The following NOS1AP variants were observed in gnomAD, a reference collection of about 807,000 sequenced individuals.
The protein encoded by NOS1AP is carboxyl-terminal PDZ ligand of neuronal nitric oxide synthase protein.
In NOS1AP, 21 loss-of-function variants were observed where a neutral mutation model predicts 56.2. The ratio of observed to expected loss-of-function variants is 0.37; its 90% CI spans 0.26 to 0.54. The LOEUF is 0.54. NOS1AP is among the 20% of genes least tolerant of loss of function. NOS1AP has a pLI of 0.84. For missense variants in NOS1AP, 522 were observed against 657.8 expected, an observed-to-expected ratio of 0.79 and a Z score of 2.26; for synonymous variants, 270 against 274.6, an observed-to-expected ratio of 0.98 and a Z score of 0.17.
chr1:162,211,148 A>C (rs6664632), intron 2 of NOS1AP, among the ~76,000 whole-genome samples: 125,828 of 152,228 alleles, frequency 0.83, 52,355 homozygotes, highest in East Asian at 0.88. Context: ...GAGAGCCAGC[A>C]GGCTTCTTGG....
intron 2 of NOS1AP, among the ~76,000 whole-genome samples, chr1:162,176,214 T>A: frequency 6.6e-6 from 1 of 152,210 alleles, no homozygotes; most frequent in East Asian, 1.9e-4. Context: ...TCTTGTGCTA[T>A]AAAGTTCTGT....
intron 2 of NOS1AP, among the ~76,000 whole-genome samples, chr1:162,161,814 T>A (rs1227336787): frequency 6.6e-6 from 1 of 152,220 alleles, no homozygotes; most frequent in African/African-American, 2.4e-5. Flanking sequence ...TTCTAATTAC[T>A]GTGCACTGGA....
chr1:162,313,194 A>C, intron 4 of NOS1AP, among the ~76,000 whole-genome samples: 1 of 152,232 alleles, frequency 6.6e-6, no homozygotes, highest in Admixed American at 6.5e-5. Context: ...GCCCTCAAGG[A>C]TCTCACTGTG....
intron 2 of NOS1AP, among the ~76,000 whole-genome samples, chr1:162,154,749 T>A (rs907069072): frequency 2.0e-5 from 3 of 152,164 alleles, no homozygotes; most frequent in Non-Finnish European, 4.4e-5. Context: ...ACCTTGATGA[T>A]GTGTGGTGAC....
intron 1 of NOS1AP, among the ~76,000 whole-genome samples, chr1:162,105,519 A>T (rs1220659245): frequency 1.3e-5 from 2 of 152,226 alleles, no homozygotes; most frequent in African/African-American, 4.8e-5. Flanking sequence ...TAAGTCTACC[A>T]AACTGCAGAG....
intron 5 of NOS1AP, among the ~76,000 whole-genome samples, chr1:162,341,026 G>C (rs1190878218): frequency 6.6e-6 from 1 of 152,096 alleles, no homozygotes; most frequent in Non-Finnish European, 1.5e-5. Context: ...ATCTTGTGAT[G>C]CCTGAGAAAT....
At position 162,272,491 on chromosome 1, in the gene NOS1AP, G is replaced by A. The variant is rs561457140; in HGVS notation, c.178-14853G>A. Among the ~76,000 whole-genome samples, 25 of 152,306 alleles carry A rather than the reference G, an allele frequency of 1.6e-4. 1 individual carries two copies. In the South Asian group the frequency reaches 5.0e-3, roughly 30 times the overall value. On this transcript the variant is annotated intron_variant, in intron 2 of 9. Transcript: ENST00000361897. Reference sequence around the variant, plus strand: ...AAGGAGGAGAAACTCACCCAGAGAGGCAGCAACACGAAAAGATGAATTGAT... The same window carrying A: ...AAGGAGGAGAAACTCACCCAGAGAGACAGCAACACGAAAAGATGAATTGAT...
rs573376835 is a variant in NOS1AP, at chr1:162,120,789, A to C, written c.106-33616A>C. Among the ~76,000 whole-genome samples the C allele has an allele frequency of 3.3e-4, 50 of 152,344 alleles. No individual in the cohort carries two copies. The East Asian group carries it at 7.7e-3, about 24-fold the overall frequency. On this transcript the variant is annotated intron_variant, in intron 1 of 9. Transcript: ENST00000361897. ...TGAGATTTGGGTGGAGACACAGCCA[A>C]ACCATATCAGAATTCTTTTAGATTT... is the stretch of plus-strand genomic sequence containing the variant.
chr1:162,356,876 C>T, intron 7 of NOS1AP, 84 bp from the exon 8 acceptor site: 1 of 1,608,952 alleles, frequency 6.2e-7, no homozygotes, highest in Non-Finnish European at 8.5e-7. Context: ...CAATTTGCTC[C>T]TCCTGAGTGC....
At chr1:162,296,786 T>A (rs1193133580) in intron 3 of NOS1AP, among the ~76,000 whole-genome samples, 2 of 152,230 alleles carry the variant, frequency 1.3e-5, no homozygotes, top group Non-Finnish European at 2.9e-5. Flanking sequence ...TTAGCTTTGA[T>A]GATGGAGGCG....
At chr1:162,154,527 T>C in intron 2 of NOS1AP, 51 bp downstream of exon 2, 1 of 1,585,666 alleles carries the variant, frequency 6.3e-7, no homozygotes, top group Non-Finnish European at 8.7e-7. Context: ...GTGCCTTAGC[T>C]GCTGGCCCTT....
At chr1:162,218,919 T>C (rs544047580) in intron 2 of NOS1AP, among the ~76,000 whole-genome samples, 1 of 152,272 alleles carries the variant, frequency 6.6e-6, no homozygotes, top group African/African-American at 2.4e-5. Flanking sequence ...CACCAGAAGA[T>C]TTGTTGATAG....
intron 5 of NOS1AP, among the ~76,000 whole-genome samples, chr1:162,336,047 C>G (rs1242157440): frequency 6.6e-6 from 1 of 152,088 alleles, no homozygotes; most frequent in Non-Finnish European, 1.5e-5. Context: ...TCACCAGAAG[C>G]TAGAAAGCAA....
chr1:162,244,797 G>A (rs1653606588), intron 2 of NOS1AP, among the ~76,000 whole-genome samples: 1 of 152,088 alleles, frequency 6.6e-6, no homozygotes, highest in South Asian at 2.1e-4. Flanking sequence ...TTTAGATATG[G>A]CCAAGTATTG....
chr1:162,219,005 C>T (rs185508781), intron 2 of NOS1AP, among the ~76,000 whole-genome samples: 39 of 152,160 alleles, frequency 2.6e-4, no homozygotes, highest in Admixed American at 2.4e-3. Flanking sequence ...AGGTGAAGGC[C>T]TCAGGTGCAG....
chr1:162,105,942 A>T (rs1558100964), intron 1 of NOS1AP, among the ~76,000 whole-genome samples: 1 of 152,054 alleles, frequency 6.6e-6, no homozygotes, highest in African/African-American at 2.4e-5. Context: ...TTGGCCCCTG[A>T]CTCAGCCCCC....
At chr1:162,182,299 C>T (rs1651289176) in intron 2 of NOS1AP, among the ~76,000 whole-genome samples, 1 of 152,208 alleles carries the variant, frequency 6.6e-6, no homozygotes, top group South Asian at 2.1e-4. Flanking sequence ...TACAGGCATA[C>T]CTTGGAGATA....
At chr1:162,187,887 T>C (rs549542507) in intron 2 of NOS1AP, among the ~76,000 whole-genome samples, 35 of 152,170 alleles carry the variant, frequency 2.3e-4, no homozygotes, top group Non-Finnish European at 4.3e-4. Context: ...TGCCAGACTG[T>C]TTCCTGCTTG....
intron 4 of NOS1AP, among the ~76,000 whole-genome samples, chr1:162,315,464 G>A (rs539480763): frequency 6.6e-6 from 1 of 152,322 alleles, no homozygotes; most frequent in East Asian, 1.9e-4. Flanking sequence ...AGGAAGGATG[G>A]TGGCGTCACA....
Sources: gnomAD v4.1 joint callset for allele counts (sites outside exome capture counted in the v4.1 genomes callset) on GRCh38, gnomAD v4.1.1 for gene constraint, MANE v1.5 for transcripts, NCBI Gene and HGNC (gene_info 2026-07-23, HGNC 2026-07-21) for gene names.